The following DMXL1 variants were observed in gnomAD, a reference collection of about 807,000 sequenced individuals.
The protein encoded by DMXL1 is dmX-like protein 1.
DMXL1 carries 99 observed loss-of-function variants against 319.2 expected under a neutral mutation model. The ratio of observed to expected loss-of-function variants is 0.31; its 90% CI spans 0.26 to 0.37. The LOEUF is 0.37. DMXL1 is among the 10% of genes least tolerant of loss of function. The pLI is 1.00. For missense variants in DMXL1, 3,745 were observed against 3,595.6 expected (o/e 1.04, Z -1.06); for synonymous variants, 1,385 against 1,235.2 (o/e 1.12, Z -2.54).
chr5:119,079,429 A>G (rs1274950086), intron 1 of DMXL1, among the ~76,000 whole-genome samples: 2 of 152,300 alleles, frequency 1.3e-5, no homozygotes, highest in South Asian at 2.1e-4. Flanking sequence ...TTTTCTTTCC[A>G]GAGTTTCTAA....
chr5:119,233,285 C>G, intron 38 of DMXL1, 55 bp from the exon 39 acceptor site: 1 of 1,569,478 alleles, frequency 6.4e-7, no homozygotes, highest in Non-Finnish European at 8.7e-7. Flanking sequence ...AAAGAAATAA[C>G]TTTTCCCAAA....
At chr5:119,120,607 A>G (rs1255204575) in intron 8 of DMXL1, among the ~76,000 whole-genome samples, 1 of 152,232 alleles carries the variant, frequency 6.6e-6, no homozygotes, top group East Asian at 1.9e-4. Flanking sequence ...TTAGCTATAG[A>G]CAAAAGACAG....
chr5:119,092,806 T>C (rs537973276), intron 1 of DMXL1, among the ~76,000 whole-genome samples: 1 of 152,356 alleles, frequency 6.6e-6, no homozygotes, highest in South Asian at 2.1e-4. Flanking sequence ...TTTTGTAAAG[T>C]TCATCCATGT....
chr5:119,116,045 C>A, intron 6 of DMXL1, 113 bp from the exon 7 acceptor site: 1 of 935,404 alleles, frequency 1.1e-6, no homozygotes, highest in Non-Finnish European at 1.6e-6. Context: ...TGCTCAACGT[C>A]TCTTCCCATC....
chr5:119,147,257 G>A lies in DMXL1; in HGVS notation c.2698G>A (p.Val900Ile), dbSNP rs141745378. 300 of 1,611,536 alleles carry A rather than the reference G, an allele frequency of 1.9e-4. 1 individual carries two copies. Among genetic ancestry groups the A allele is most frequent in the Non-Finnish European group, 1.9e-4 (219 of 1,178,474 alleles). ...KSIPVSLDEK[V>I]DTKLSEAVWQ... ...TTTCTTATGTTTTGTAGATGAAAAA[G>A]TAGATACAAAATTATCCGAAGCGGT... Residue 900 changes from valine to isoleucine, a missense_variant, in exon 17 of 44, where the codon GTA becomes ATA. Transcript: ENST00000539542.
chr5:119,224,241 CTTTAAT>C (rs1339235382), intron 37 of DMXL1, among the ~76,000 whole-genome samples: 1 of 151,892 alleles, frequency 6.6e-6, no homozygotes, highest in African/African-American at 2.4e-5. Context: ...TAAATTTTTC[CTTTAAT>C]TTTATGTGTT....
chr5:119,099,441 C>G (rs1212049793), intron 2 of DMXL1, among the ~76,000 whole-genome samples: 1 of 152,102 alleles, frequency 6.6e-6, no homozygotes, highest in East Asian at 1.9e-4. Flanking sequence ...AATCTCCTGA[C>G]CTAGCGATTT....
At chr5:119,228,604 A>G (rs376559045) in intron 38 of DMXL1, among the ~76,000 whole-genome samples, 64 of 152,302 alleles carry the variant, frequency 4.2e-4, no homozygotes, top group African/African-American at 1.4e-3. Flanking sequence ...TAACATATCA[A>G]TTAAGCCTAA....
At chr5:119,169,697 G>C (rs1261483269) in intron 23 of DMXL1, among the ~76,000 whole-genome samples, 2 of 152,134 alleles carry the variant, frequency 1.3e-5, no homozygotes, top group Non-Finnish European at 2.9e-5. Flanking sequence ...TGTGAAGTTG[G>C]GACTGGAGAT....
At chr5:119,082,879 T>C (rs1190660176) in intron 1 of DMXL1, among the ~76,000 whole-genome samples, 1 of 152,246 alleles carries the variant, frequency 6.6e-6, no homozygotes, top group East Asian at 1.9e-4. Flanking sequence ...CCCAACCTCC[T>C]TAGCCCTCTG....
rs1482556282 is a variant in DMXL1, at chr5:119,149,465, C to A, written c.3638C>A (p.Pro1213Gln). The A allele has an allele frequency of 1.9e-6, 3 of 1,613,838 alleles. No individual in the cohort carries two copies. The highest frequency in any genetic ancestry group is 2.5e-6 in the Non-Finnish European group (3 of 1,179,918). Residue 1213 changes from proline to glutamine, a missense_variant, in exon 18 of 44, where the codon CCA becomes CAA. Pro to Gln is a moderately conservative substitution (Grantham distance 76). Coordinates refer to ENST00000539542, the MANE Select transcript of DMXL1 (RefSeq NM_001290321.3). ...CTAGTTTCTTCTGTAGATGGCTCCC[C>A]ACCTTTTCCTGTTTCTTTATCGTGG... ...VDLVSSVDGS[P>Q]PFPVSLSWVR...
intron 10 of DMXL1, among the ~76,000 whole-genome samples, chr5:119,131,938 C>T (rs1288473959): frequency 6.6e-6 from 1 of 152,140 alleles, no homozygotes; most frequent in Non-Finnish European, 1.5e-5. Flanking sequence ...TTATGTTCCT[C>T]ACACTCAAGG....
intron 43 of DMXL1, among the ~76,000 whole-genome samples, chr5:119,246,499 T>C (rs1421780337): frequency 6.6e-6 from 1 of 152,190 alleles, no homozygotes; most frequent in African/African-American, 2.4e-5. Context: ...ATTGGTAGAT[T>C]ACAACACTCT....
chr5:119,210,756 C>CTTTTTTTTTTTTTTTTTTTTTTTTTTTTT (rs1205202596), intron 34 of DMXL1, among the ~76,000 whole-genome samples: 1 of 65,968 alleles, frequency 1.5e-5, no homozygotes, highest in African/African-American at 5.0e-5. Flanking sequence ...TTTTTTCTTT[C>CTTTTTTTTTTTTTTTTTTTTTTTTTTTTT]GTTTTTTTTT....
chr5:119,223,661 T>C (rs1424212550), intron 37 of DMXL1, among the ~76,000 whole-genome samples: 1 of 152,164 alleles, frequency 6.6e-6, no homozygotes, highest in Non-Finnish European at 1.5e-5. Flanking sequence ...TAGAATAAGG[T>C]TGTTCTTTTT....
chr5:119,126,244 T>G (rs1040125556), intron 9 of DMXL1, among the ~76,000 whole-genome samples: 2 of 152,120 alleles, frequency 1.3e-5, no homozygotes, highest in African/African-American at 4.8e-5. Flanking sequence ...GATTGCGCCA[T>G]TGCCCTCCAC....
Position 119,211,445 on chromosome 5 carries a change from A to G in DMXL1, c.7926+4549A>G, listed in dbSNP as rs143005860. 4.3e-3 allele frequency among the ~76,000 whole-genome samples: 648 copies of G among 152,298 alleles called. 12 individuals carry two copies. Among genetic ancestry groups the G allele is most frequent in the South Asian group, 0.035 (170 of 4,830 alleles). ...TATTTCTTAAGTCAGTTTTGGTAGTACATGTCTTTCAAGAAGTGTACATTT... is the reference window on the plus strand; with the variant it reads ...TATTTCTTAAGTCAGTTTTGGTAGTGCATGTCTTTCAAGAAGTGTACATTT... On this transcript the variant is annotated intron_variant, in intron 34 of 43. Coordinates refer to ENST00000539542, the MANE Select transcript of DMXL1 (RefSeq NM_001290321.3).
intron 6 of DMXL1, 74 bp from the exon 7 acceptor site, chr5:119,116,084 T>C: frequency 1.4e-6 from 2 of 1,402,822 alleles, no homozygotes; most frequent in Non-Finnish European, 1.9e-6. Context: ...GGGAGAAAAT[T>C]CTTACTTTTG....
At position 119,203,309 on chromosome 5, in the gene DMXL1, C is replaced by G. The variant is rs772977384; in HGVS notation, c.7746-10C>G. 3 of 1,533,084 alleles carry G rather than the reference C, an allele frequency of 2.0e-6. No individual in the cohort carries two copies. The highest frequency in any genetic ancestry group is 2.3e-5 in the East Asian group (1 of 43,104). 95.0% of individuals were successfully genotyped at this position (1,533,084 alleles called of 1,614,324 possible). On this transcript the variant is annotated splice_polypyrimidine_tract_variant and intron_variant, in intron 32 of 43. Coordinates refer to ENST00000539542, the MANE Select transcript of DMXL1 (RefSeq NM_001290321.3). ...AAGTTTATCATTAAATTTGCTGTCT[C>G]TCTCTGTAGATCCAAACACCATCTG...
Sources: gnomAD v4.1 joint callset for allele counts (sites outside exome capture counted in the v4.1 genomes callset) on GRCh38, gnomAD v4.1.1 for gene constraint, MANE v1.5 for transcripts, NCBI Gene and HGNC (gene_info 2026-07-23, HGNC 2026-07-21) for gene names.